Variants in DLGAP2 observed in about 807,000 individuals in gnomAD.
DLGAP2 encodes DLG associated protein 2.
DLGAP2 carries 26 observed loss-of-function variants against 100.3 expected under a neutral mutation model. That is an observed-to-expected ratio of 0.26 (90% CI 0.19 to 0.36). DLGAP2 has a LOEUF of 0.36. DLGAP2 is among the 10% of genes least tolerant of loss of function. The probability of loss-of-function intolerance (pLI) is 1.00; values close to 1 mark genes in which losing one functional copy is unlikely to be tolerated. For synonymous variants in DLGAP2, 886 were observed against 630.1 expected (o/e 1.41, Z -6.08); for missense variants, 1,858 against 1,453.2 (o/e 1.28, Z -4.53).
Position 1,668,606 on chromosome 8 carries a change from C to A in DLGAP2, c.2088C>A (p.Thr696=). The A allele has an allele frequency of 6.2e-7, 1 of 1,600,360 alleles. No homozygotes were observed. The highest frequency in any genetic ancestry group is 8.5e-7 in the Non-Finnish European group (1 of 1,174,238). ...AGAGCCAGAGCAGCTCTGTGCGGACCAGCGACAAGGCCATCCTGGTGTCCA... is the reference window on the plus strand; with the variant it reads ...AGAGCCAGAGCAGCTCTGTGCGGACAAGCGACAAGGCCATCCTGGTGTCCA... ...LPESQSSSVR[T]SDKAILVSKA... The change falls in exon 9 of 15, where the codon ACC becomes ACA. Residue 696 remains threonine (T), a synonymous_variant. Transcript: ENST00000637795.
chr8:1,264,613 G>T (rs1472210215), intron 3 of DLGAP2, among the ~76,000 whole-genome samples: 1 of 152,072 alleles, frequency 6.6e-6, no homozygotes, highest in African/African-American at 2.4e-5. Flanking sequence ...AAGGGCTCTG[G>T]CAGAATCAAA....
chr8:1,360,776 G>A (rs1801965075), intron 3 of DLGAP2, among the ~76,000 whole-genome samples: 1 of 152,162 alleles, frequency 6.6e-6, no homozygotes, highest in Non-Finnish European at 1.5e-5. Flanking sequence ...TGTCTCTTGT[G>A]TGGCCTGACA....
chr8:1,022,722 G>T (rs1024637282), intron 2 of DLGAP2, among the ~76,000 whole-genome samples: 1 of 148,944 alleles, frequency 6.7e-6, no homozygotes, highest in East Asian at 2.0e-4. Flanking sequence ...GGACAGTACC[G>T]TGCCGAGGTA....
chr8:1,349,859 T>C (rs1347616650), intron 3 of DLGAP2, among the ~76,000 whole-genome samples: 1 of 152,266 alleles, frequency 6.6e-6, no homozygotes, highest in African/African-American at 2.4e-5. Flanking sequence ...ATAAATTCTG[T>C]ACCTCAGTTA....
chr8:1,485,949 C>T (rs527334177), intron 3 of DLGAP2, among the ~76,000 whole-genome samples: 6 of 152,212 alleles, frequency 3.9e-5, no homozygotes, highest in Non-Finnish European at 8.8e-5. Flanking sequence ...ATCGCTTGAA[C>T]CCCGGAGGTG....
chr8:1,488,853 T>G (rs947072160), intron 3 of DLGAP2, among the ~76,000 whole-genome samples: 1 of 152,106 alleles, frequency 6.6e-6, no homozygotes, highest in African/African-American at 2.4e-5. Context: ...GTCCTGCAGA[T>G]AGTGGGGCAT....
intron 2 of DLGAP2, among the ~76,000 whole-genome samples, chr8:1,079,343 C>T (rs1014226681): frequency 2.6e-5 from 4 of 152,062 alleles, no homozygotes; most frequent in Non-Finnish European, 5.9e-5. Flanking sequence ...CAGTCTATGC[C>T]TTGTCTCAGT....
chr8:1,329,089 A>C (rs1289840428), intron 3 of DLGAP2, among the ~76,000 whole-genome samples: 1 of 152,254 alleles, frequency 6.6e-6, no homozygotes, highest in Non-Finnish European at 1.5e-5. Context: ...GACAAGCGAC[A>C]AGCGACGAGT....
chr8:1,671,832 G>T (rs1798698351), intron 10 of DLGAP2, among the ~76,000 whole-genome samples: 1 of 152,226 alleles, frequency 6.6e-6, no homozygotes, highest in Admixed American at 6.5e-5. Context: ...CAGATTTGCA[G>T]GCCAGATGCC....
intron 4 of DLGAP2, among the ~76,000 whole-genome samples, chr8:1,503,237 C>A (rs567500519): frequency 4.9e-4 from 75 of 152,130 alleles, no homozygotes; most frequent in Non-Finnish European, 1.0e-3. Flanking sequence ...GTCTCTAGAA[C>A]TTTTTCCTCT....
At chr8:843,307 G>C (rs942832677) in intron 1 of DLGAP2, among the ~76,000 whole-genome samples, 6 of 152,202 alleles carry the variant, frequency 3.9e-5, no homozygotes, top group African/African-American at 1.4e-4. Flanking sequence ...TTTTATTGAC[G>C]TGTTTTTCCC....
intron 1 of DLGAP2, among the ~76,000 whole-genome samples, chr8:771,542 T>G (rs886619170): frequency 4.6e-5 from 7 of 152,190 alleles, no homozygotes; most frequent in Non-Finnish European, 8.8e-5. Flanking sequence ...ACCCAAAATT[T>G]GTGGATTGCC....
intron 3 of DLGAP2, among the ~76,000 whole-genome samples, chr8:1,270,656 TTG>T (rs1799562885): frequency 6.6e-6 from 1 of 151,942 alleles, no homozygotes; most frequent in Non-Finnish European, 1.5e-5. Context: ...TGCCTTAAAA[TTG>T]TGTGTCTCTG....
At chr8:1,336,551 TTGGC>T (rs1801279675) in intron 3 of DLGAP2, among the ~76,000 whole-genome samples, 1 of 152,178 alleles carries the variant, frequency 6.6e-6, no homozygotes. Context: ...AGGAAGGACT[TTGGC>T]TGGGGTCTGG....
At chr8:797,017 A>G (rs4077570) in intron 1 of DLGAP2, among the ~76,000 whole-genome samples, 38,257 of 152,234 alleles carry the variant, frequency 0.25, 6,016 homozygotes, top group African/African-American at 0.44. Context: ...TCTTGTACTT[A>G]AAATGTATTT....
intron 1 of DLGAP2, among the ~76,000 whole-genome samples, chr8:741,108 A>T (rs1255412695): frequency 6.6e-6 from 1 of 152,222 alleles, no homozygotes; most frequent in Admixed American, 6.5e-5. Flanking sequence ...TAACTTCTTC[A>T]ATATGTTTTG....
chr8:1,196,781 C>T (rs978633229), intron 2 of DLGAP2, among the ~76,000 whole-genome samples: 10 of 152,186 alleles, frequency 6.6e-5, no homozygotes, highest in Non-Finnish European at 1.2e-4. Flanking sequence ...GGCTGCATGT[C>T]AGCTGCAGCA....
intron 12 of DLGAP2, among the ~76,000 whole-genome samples, chr8:1,679,739 T>C (rs1196984519): frequency 6.6e-6 from 1 of 152,148 alleles, no homozygotes; most frequent in Non-Finnish European, 1.5e-5. Flanking sequence ...TCCAGCACTT[T>C]AGGAGGCTGA....
At chr8:768,909 C>CGCTGGCCTCACAGGAG (rs1462777670) in intron 1 of DLGAP2, among the ~76,000 whole-genome samples, 2 of 152,104 alleles carry the variant, frequency 1.3e-5, no homozygotes, top group Non-Finnish European at 2.9e-5. Flanking sequence ...GGGCTGAGGA[C>CGCTGGCCTCACAGGAG]GCTGGCCTCA....
Sources: gnomAD v4.1 joint callset for allele counts (sites outside exome capture counted in the v4.1 genomes callset) on GRCh38, gnomAD v4.1.1 for gene constraint, MANE v1.5 for transcripts, NCBI Gene and HGNC (gene_info 2026-07-23, HGNC 2026-07-21) for gene names.